The following FCAR variants were observed in gnomAD, a reference collection of about 807,000 sequenced individuals.
FCAR encodes Fc alpha receptor, also known as immunoglobulin alpha Fc receptor.
FCAR carries 21 observed loss-of-function variants against 27.1 expected under a neutral mutation model. The observed-to-expected ratio is 0.77, with a 90% CI of 0.55 to 1.11. The LOEUF is 1.11. Among genes scored for constraint, FCAR ranks in the 50% most tolerant of loss-of-function variants. FCAR has a pLI of 0.00. For synonymous variants in FCAR, 134 were observed against 135.8 expected (o/e 0.99, Z 0.09); for missense variants, 404 against 358.4 (o/e 1.13, Z -1.03).
rs1601902625 is a variant in FCAR, at chr19:54,878,679, C to T, written c.70+3314C>T. Among the ~76,000 whole-genome samples, 2 of 151,370 alleles carry T rather than the reference C, an allele frequency of 1.3e-5. 1 individual carries two copies. The highest frequency in any genetic ancestry group is 4.2e-4 in the South Asian group (2 of 4,796). The stretch of plus-strand genomic sequence containing the variant: ...TTGAACCCTTTACCATGATTTAATG[C>T]CCTTCTTTGCCTTTTTTGATCTTTG... On this transcript the variant is annotated intron_variant, in intron 2 of 4. Transcript: ENST00000355524.
intron 2 of FCAR, among the ~76,000 whole-genome samples, chr19:54,881,932 T>TAAA (rs2066446647): frequency 0.017 from 144 of 8,674 alleles, 3 homozygotes; most frequent in African/African-American, 0.1. Context: ...AATAAATAAA[T>TAAA]TGAAGCATGA....
Position 54,875,344 on chromosome 19 carries a change from C to G in FCAR, c.49C>G (p.Gln17Glu), listed in dbSNP as rs374865895. 84 of 1,613,654 alleles carry G rather than the reference C, an allele frequency of 5.2e-5. No homozygotes were observed. The highest frequency in any genetic ancestry group is 6.0e-5 in the Non-Finnish European group (71 of 1,179,846). ...CTCTCTTCCAGTGCTCTGTCTGGGC[C>G]AGAGGATTCAGGCACAGGAAGGTAA... ...TLLCLVLCLG[Q>E]RIQAQEGDFP... Residue 17 changes from glutamine to glutamate, a missense_variant, in exon 2 of 5, where the codon CAG (glutamine) becomes GAG (glutamate). By Grantham distance (29) the Gln-to-Glu change is conservative (BLOSUM62 2). Transcript: ENST00000355524.
At chr19:54,875,417 T>C in intron 2 of FCAR, 52 bp downstream of exon 2, 12 of 1,491,424 alleles carry the variant, frequency 8.0e-6, no homozygotes, top group Non-Finnish European at 1.1e-5. Flanking sequence ...TTGGGAGCTC[T>C]AGGATAAAGA....
At chr19:54,882,457 G>A (rs1170709873) in intron 2 of FCAR, among the ~76,000 whole-genome samples, 5 of 149,164 alleles carry the variant, frequency 3.4e-5, no homozygotes, top group African/African-American at 1.2e-4. Flanking sequence ...CTTTTTTGTG[G>A]CAGAGTCTTA....
chr19:54,878,438 G>A (rs1159880232), intron 2 of FCAR, among the ~76,000 whole-genome samples: 1 of 152,112 alleles, frequency 6.6e-6, no homozygotes, highest in Non-Finnish European at 1.5e-5. Flanking sequence ...ATTATTGTGT[G>A]GTTGTCTAAG....
At chr19:54,875,491 C>T (rs2066044220) in intron 2 of FCAR, 126 bp downstream of exon 2, 1 of 789,186 alleles carries the variant, frequency 1.3e-6, no homozygotes, top group Non-Finnish European at 2.1e-6. Flanking sequence ...TTCTGCTGTG[C>T]TTCTCTTGCA....
intron 4 of FCAR, among the ~76,000 whole-genome samples, chr19:54,889,336 C>T (rs903973132): frequency 2.1e-5 from 3 of 142,632 alleles, no homozygotes; most frequent in African/African-American, 7.9e-5. Flanking sequence ...CACGCCACTG[C>T]ACTCCAGCCT....
intron 2 of FCAR, among the ~76,000 whole-genome samples, chr19:54,881,238 C>G (rs2066392563): frequency 6.6e-6 from 1 of 152,174 alleles, no homozygotes; most frequent in African/African-American, 2.4e-5. Flanking sequence ...TAGTGATGAG[C>G]AGGGGGGACA....
intron 2 of FCAR, among the ~76,000 whole-genome samples, chr19:54,881,909 A>AG (rs2066443145): frequency 1.6e-5 from 1 of 63,120 alleles, no homozygotes; most frequent in African/African-American, 5.3e-5. Flanking sequence ...ATAAATAAAT[A>AG]AATAAATAAA....
intron 2 of FCAR, among the ~76,000 whole-genome samples, chr19:54,884,234 C>T (rs587761385): frequency 2.0e-5 from 3 of 152,226 alleles, no homozygotes; most frequent in Non-Finnish European, 2.9e-5. Context: ...ACTGCTCCCA[C>T]GCACCATGCC....
chr19:54,875,302 T>G, intron 1 of FCAR, 28 bp from the exon 2 acceptor site: 1 of 1,610,970 alleles, frequency 6.2e-7, no homozygotes, highest in Non-Finnish European at 8.5e-7. Context: ...AATGGAAGCT[T>G]GATTTTTCAT....
chr19:54,882,195 G>A (rs4239591), intron 2 of FCAR, among the ~76,000 whole-genome samples: 485 of 152,258 alleles, frequency 3.2e-3, no homozygotes, highest in South Asian at 8.9e-3. Flanking sequence ...TGATGGCTGT[G>A]GCATAATGAC....
At chr19:54,887,054 G>A (rs1308603052) in intron 3 of FCAR, among the ~76,000 whole-genome samples, 11 of 72,754 alleles carry the variant, frequency 1.5e-4, no homozygotes, top group Non-Finnish European at 2.2e-4. Flanking sequence ...CGTGGCTCAC[G>A]CCTGTAATCC....
At chr19:54,885,102 G>T in intron 2 of FCAR, 133 bp from the exon 3 acceptor site, 1 of 771,452 alleles carries the variant, frequency 1.3e-6, no homozygotes, top group Non-Finnish European at 2.0e-6. Context: ...TACCGCACCC[G>T]GCCTAAATTT....
chr19:54,888,515 C>A (rs1318789969), intron 4 of FCAR: 48 of 1,396,628 alleles, frequency 3.4e-5, no homozygotes, highest in Non-Finnish European at 4.4e-5. Context: ...CTGTGGAGAA[C>A]AGAAGGGCTA....
chr19:54,881,917 AAATAAATAAATAAATT>A (rs1438356212), intron 2 of FCAR, among the ~76,000 whole-genome samples: 550 of 23,874 alleles, frequency 0.023, 12 homozygotes, highest in Middle Eastern at 0.079. Context: ...ATAAATAAAT[AAATAAATAAATAAATT>A]GAAGCATGAA....
rs949569038 is a variant in FCAR at position 54,891,272 on chromosome 19, T to C, written c.*1409T>C. 2.0e-5 allele frequency: 3 copies of C among 152,316 alleles called. No individual in the cohort carries two copies. The highest frequency in any genetic ancestry group is 4.4e-5 in the Non-Finnish European group (3 of 68,034). The allele number at this position is 152,316 out of a possible 1,614,324, so 9.4% of individuals were successfully genotyped here. Reference sequence around the variant, plus strand: ...AGTAGCTTATGTATGAAAATATAATTATAAAATGTAAGGGTCCTACTTCCA... The same window carrying C: ...AGTAGCTTATGTATGAAAATATAATCATAAAATGTAAGGGTCCTACTTCCA... On this transcript the variant is annotated 3_prime_UTR_variant, in exon 5 of 5. Transcript: ENST00000355524.
Position 54,889,833 on chromosome 19 carries a change from C to T in FCAR, c.834C>T (p.Thr278=). ...AACAGATGTGTCAGCCAGGATTGAC[C>T]TTTGCACGAACACCAAGTGTCTGCA... is the stretch of plus-strand genomic sequence containing the variant. The part of the protein sequence containing the change: ...WSQQMCQPGL[T]FARTPSVCK Residue 278 remains threonine, a synonymous_variant, in exon 5 of 5, where the codon ACC becomes ACT. Coordinates refer to ENST00000355524, the MANE Select transcript of FCAR (RefSeq NM_002000.4). 4.4e-6 allele frequency: 7 copies of T among 1,607,100 alleles called. No homozygotes were observed. Among genetic ancestry groups the T allele is most frequent in the Non-Finnish European group, 5.1e-6 (6 of 1,179,936 alleles).
chr19:54,882,219 A>G (rs990291563), intron 2 of FCAR, among the ~76,000 whole-genome samples: 1 of 152,196 alleles, frequency 6.6e-6, no homozygotes, highest in Admixed American at 6.5e-5. Context: ...GCCCCCACAC[A>G]TGAAAAAGAA....
Sources: gnomAD v4.1 joint callset for allele counts (sites outside exome capture counted in the v4.1 genomes callset) on GRCh38, gnomAD v4.1.1 for gene constraint, MANE v1.5 for transcripts, NCBI Gene and HGNC (gene_info 2026-07-23, HGNC 2026-07-21) for gene names.